MYOM1: variants seen among roughly 807,000 people sequenced by gnomAD.
MYOM1 encodes myomesin 1.
A neutral mutation model predicts 205.3 loss-of-function variants in MYOM1; 164 were observed. The observed-to-expected ratio is 0.80, with a 90% CI of 0.70 to 0.91. MYOM1 has a LOEUF of 0.91. Among genes scored for constraint, MYOM1 ranks in the 40% least tolerant of loss-of-function variants. The probability of loss-of-function intolerance (pLI) is 0.00; values close to 1 mark genes in which losing one functional copy is unlikely to be tolerated. For missense variants in MYOM1, 2,011 were observed against 2,127.3 expected (o/e 0.95, Z 1.08); for synonymous variants, 772 against 789.4 (o/e 0.98, Z 0.37).
At chr18:3,163,098 G>A (rs2144043968) in intron 10 of MYOM1, among the ~76,000 whole-genome samples, 1 of 152,136 alleles carries the variant, frequency 6.6e-6, no homozygotes, top group Admixed American at 6.5e-5. Flanking sequence ...AACAATTTTG[G>A]TTTGTCTCAA....
At chr18:3,239,804 T>A in the MYOM1 span, among the ~76,000 whole-genome samples, 2 of 132,258 alleles carry the variant, frequency 1.5e-5, no homozygotes, top group Admixed American at 7.6e-5. Flanking sequence ...GAGCGGAGCA[T>A]GAAAAGACTA....
intron 22 of MYOM1, among the ~76,000 whole-genome samples, chr18:3,107,154 G>A (rs1164952609): frequency 6.6e-6 from 1 of 152,090 alleles, no homozygotes; most frequent in Non-Finnish European, 1.5e-5. Context: ...GTCTCACTCT[G>A]TTGCCCAGGC....
chr18:3,096,087 G>A (rs909902951), intron 25 of MYOM1, among the ~76,000 whole-genome samples: 15 of 152,094 alleles, frequency 9.9e-5, no homozygotes, highest in African/African-American at 2.9e-4. Context: ...TGAGAACATC[G>A]TCTGGGGAAT....
At chr18:3,193,359 T>TACACACACACACACACACAC (rs536189289) in intron 3 of MYOM1, among the ~76,000 whole-genome samples, 9 of 119,292 alleles carry the variant, frequency 7.5e-5, no homozygotes, top group Non-Finnish European at 1.4e-4. Flanking sequence ...TATATATATA[T>TACACACACACACACACACAC]ATACACACAC....
At chr18:3,197,786 T>C (rs1598763181) in intron 2 of MYOM1, among the ~76,000 whole-genome samples, 1 of 151,902 alleles carries the variant, frequency 6.6e-6, no homozygotes, top group Non-Finnish European at 1.5e-5. Context: ...GGCAGGAGAA[T>C]GGCGTGAACC....
At chr18:3,071,602 G>A (rs1053851769) in intron 37 of MYOM1, among the ~76,000 whole-genome samples, 16 of 152,068 alleles carry the variant, frequency 1.1e-4, no homozygotes, top group Non-Finnish European at 1.8e-4. Flanking sequence ...CAGGTGATCC[G>A]CCCGCCTCAG....
intron 2 of MYOM1, among the ~76,000 whole-genome samples, chr18:3,202,777 T>C (rs1027896306): frequency 3.3e-5 from 5 of 152,068 alleles, no homozygotes; most frequent in Non-Finnish European, 7.4e-5. Flanking sequence ...ATCAGGAACA[T>C]AGAATACTTG....
chr18:3,100,112 G>A, intron 25 of MYOM1, 47 bp downstream of exon 25: 1 of 1,598,354 alleles, frequency 6.3e-7, no homozygotes, highest in Non-Finnish European at 8.6e-7. Context: ...AGAAGTTGCT[G>A]CCTAGTAAGA....
chr18:3,078,548 G>C (rs983328579), intron 34 of MYOM1, among the ~76,000 whole-genome samples: 1 of 152,112 alleles, frequency 6.6e-6, no homozygotes, highest in African/African-American at 2.4e-5. Flanking sequence ...TCCTAGCTCA[G>C]CCTCCTGAGT....
chr18:3,088,998 T>A (rs1479827253), intron 29 of MYOM1, among the ~76,000 whole-genome samples, 176 bp downstream of exon 29: 10 of 152,238 alleles, frequency 6.6e-5, no homozygotes, highest in Non-Finnish European at 4.4e-5. Flanking sequence ...ATATTTTATG[T>A]CATTTTATTT....
At chr18:3,204,901 T>C (rs1477809184) in intron 2 of MYOM1, among the ~76,000 whole-genome samples, 6 of 152,060 alleles carry the variant, frequency 3.9e-5, no homozygotes, top group Non-Finnish European at 5.9e-5. Flanking sequence ...AGTCCAGAAA[T>C]AAACCTCTAC....
At chr18:3,225,133 A>G in the MYOM1 span, among the ~76,000 whole-genome samples, 1 of 151,548 alleles carries the variant, frequency 6.6e-6, no homozygotes, top group South Asian at 2.1e-4. Context: ...GACTACAGGC[A>G]CCTGCCACCA....
At chr18:3,186,910 GAA>G (rs955943580) in intron 5 of MYOM1, among the ~76,000 whole-genome samples, 2 of 143,266 alleles carry the variant, frequency 1.4e-5, no homozygotes, top group Admixed American at 1.4e-4. Context: ...AGGAAGGAAA[GAA>G]AGAGGAAGAT....
intron 19 of MYOM1, among the ~76,000 whole-genome samples, chr18:3,123,145 T>C (rs2079722149): frequency 6.6e-6 from 1 of 152,148 alleles, no homozygotes. Flanking sequence ...TTTTATTCAA[T>C]ATAGTGCTAA....
At chr18:3,226,053 C>T in the MYOM1 span, among the ~76,000 whole-genome samples, 2 of 152,214 alleles carry the variant, frequency 1.3e-5, no homozygotes, top group African/African-American at 4.8e-5. This position sits in a 1 kb window ranked among gnomAD's most constrained non-coding sequence, Gnocchi z 4.6. Context: ...CACATAATGG[C>T]ATTCGCAACT....
intron 26 of MYOM1, among the ~76,000 whole-genome samples, chr18:3,092,089 T>C (rs143058538): frequency 2.2e-4 from 33 of 152,318 alleles, no homozygotes; most frequent in African/African-American, 7.5e-4. Context: ...GGCAGGTATC[T>C]TGCTCATTCA....
At chr18:3,159,943 TTCCC>T (rs1481614340) in intron 10 of MYOM1, among the ~76,000 whole-genome samples, 130 of 136,744 alleles carry the variant, frequency 9.5e-4, no homozygotes, top group African/African-American at 3.3e-3. Context: ...CCTTCTCTCC[TTCCC>T]TCCTTCCTTC....
intron 37 of MYOM1, among the ~76,000 whole-genome samples, chr18:3,070,316 C>T (rs1385725528): frequency 6.6e-6 from 1 of 151,896 alleles, no homozygotes; most frequent in Non-Finnish European, 1.5e-5. Context: ...ACCCAGCTGA[C>T]TTTTAAAAAT....
At chr18:3,117,907 A>C (rs2079629014) in intron 20 of MYOM1, among the ~76,000 whole-genome samples, 1 of 152,166 alleles carries the variant, frequency 6.6e-6, no homozygotes, top group Non-Finnish European at 1.5e-5. Flanking sequence ...CAAATACCTC[A>C]CACGAATGTG....
Sources: allele counts gnomAD v4.1 joint callset (sites outside exome capture counted in the v4.1 genomes callset), GRCh38; gene constraint gnomAD v4.1.1; non-coding constraint Gnocchi (gnomAD v3.1); transcripts MANE v1.5; gene names NCBI Gene and HGNC (gene_info 2026-07-23, HGNC 2026-07-21).